LRRC53: variants seen among roughly 807,000 people sequenced by gnomAD.
LRRC53 encodes leucine rich repeat containing 53.
Under a neutral mutation model 13.6 loss-of-function variants are expected in LRRC53, and 25 were observed. The ratio of observed to expected loss-of-function variants is 1.83; its 90% CI spans 1.34 to 2.56. The LOEUF is 2.56. Among genes scored for constraint, LRRC53 ranks in the 30% most tolerant of loss-of-function variants. The pLI, the probability that LRRC53 is intolerant of heterozygous loss-of-function variation, is 0.00. For synonymous variants in LRRC53, 204 were observed against 109.8 expected, an observed-to-expected ratio of 1.86 and a Z score of -5.37; for missense variants, 527 against 275.8, an observed-to-expected ratio of 1.91 and a Z score of -6.45.
intron 2 of LRRC53, 92 bp downstream of exon 2, chr1:74,483,170 G>A (rs1287770789): frequency 1.5e-6 from 1 of 667,580 alleles, no homozygotes; most frequent in South Asian, 1.7e-5. Flanking sequence ...CTCTTAAGCT[G>A]AGCCCAGAGA....
intron 1 of LRRC53, among the ~76,000 whole-genome samples, chr1:74,495,864 C>T (rs1048049306): frequency 6.6e-6 from 1 of 152,124 alleles, no homozygotes; most frequent in Non-Finnish European, 1.5e-5. Context: ...GACTATTTCT[C>T]CCAAGCCTGC....
chr1:74,496,288 C>A (rs1023056487), intron 1 of LRRC53, among the ~76,000 whole-genome samples: 29 of 152,270 alleles, frequency 1.9e-4, no homozygotes, highest in African/African-American at 6.7e-4. Flanking sequence ...CAAAGGGGAC[C>A]ATTTTGATGA....
chr1:74,499,178 A>T lies in LRRC53; in HGVS notation c.-27+13348T>A, dbSNP rs544022247. 7.9e-5 allele frequency among the ~76,000 whole-genome samples: 12 copies of T among 152,296 alleles called. No homozygotes were observed. The South Asian group carries it at 2.5e-3, about 32-fold the overall frequency. On this transcript the variant is annotated intron_variant, in intron 1 of 4. Coordinates refer to ENST00000294635, the MANE Select transcript of LRRC53 (RefSeq NM_001382280.1). The stretch of plus-strand genomic sequence containing the variant: ...ACTCAGGGTCTTTACTTTTCCTGCA[A>T]ATGGGACCATGTCTGATTATTTATT...
chr1:74,509,760 T>C (rs1472093023), intron 1 of LRRC53, among the ~76,000 whole-genome samples: 1 of 133,576 alleles, frequency 7.5e-6, no homozygotes, highest in Non-Finnish European at 1.6e-5. Context: ...TTTTTTTTTT[T>C]TTTTTTTTTT....
chr1:74,525,635 G>A, the LRRC53 span, among the ~76,000 whole-genome samples: 1 of 152,226 alleles, frequency 6.6e-6, no homozygotes, highest in Non-Finnish European at 1.5e-5. Flanking sequence ...CTCCTAGTCT[G>A]AAGGAGTGTG....
chr1:74,501,079 T>G (rs182183098), intron 1 of LRRC53, among the ~76,000 whole-genome samples: 8 of 152,304 alleles, frequency 5.3e-5, no homozygotes, highest in East Asian at 1.9e-4. Context: ...CTTTAGTATC[T>G]CTTTCTGGAA....
chr1:74,521,232 A>G, the LRRC53 span, among the ~76,000 whole-genome samples: 2 of 152,178 alleles, frequency 1.3e-5, no homozygotes, highest in African/African-American at 2.4e-5. Flanking sequence ...ACATTGTGGC[A>G]CTGCCATTTT....
chr1:74,470,423 T>C lies in LRRC53; in HGVS notation c.3199A>G (p.Arg1067Gly), dbSNP rs1667867706. The part of the protein sequence containing the change: ...KGIDSTNALP[R>G]NDGTEALEIK... Reference sequence around the variant, plus strand: ...TCTAGTGCTTCAGTGCCGTCATTTCTGGGCAATGCATTTGTGCTGTCAATT... The same window carrying C: ...TCTAGTGCTTCAGTGCCGTCATTTCCGGGCAATGCATTTGTGCTGTCAATT... Residue 1067 changes from arginine (R) to glycine (G), a missense_variant, in exon 5 of 5, where the codon AGA (arginine) becomes GGA (glycine). Coordinates refer to ENST00000294635, the MANE Select transcript of LRRC53 (RefSeq NM_001382280.1). 3 of 400,642 alleles carry C rather than the reference T, an allele frequency of 7.5e-6. No individual in the cohort carries two copies. Among genetic ancestry groups the C allele is most frequent in the Admixed American group, 8.8e-5 (2 of 22,720 alleles). 24.8% of individuals were successfully genotyped at this position (400,642 alleles called of 1,614,324 possible). A position where few individuals can be genotyped will look rare whatever the true frequency, so the allele number is the denominator to read the frequency against.
rs1285782232 is a variant in LRRC53 at position 74,470,767 on chromosome 1, A to G, written c.2855T>C (p.Leu952Ser). 1 of 400,470 alleles carries G rather than the reference A, an allele frequency of 2.5e-6. No individual in the cohort carries two copies. Among genetic ancestry groups the G allele is most frequent in the Admixed American group, 4.4e-5 (1 of 22,706 alleles). The allele number at this position is 400,470 out of a possible 1,614,324, so 24.8% of individuals were successfully genotyped here. Reference sequence around the variant, plus strand: ...ACTTGAATTTTGCTCTCTGTGTTGTAAGGCTTCATTTTGGTCTAAAGTGTA... The same window carrying G: ...ACTTGAATTTTGCTCTCTGTGTTGTGAGGCTTCATTTTGGTCTAAAGTGTA... ...KEYTLDQNEA[L>S]QHREQNSSHA... Residue 952 changes from leucine (L) to serine (S), a missense_variant, in exon 5 of 5, where the codon TTA becomes TCA. Physicochemically the swap from Leu to Ser is moderately radical, Grantham distance 145 (BLOSUM62 -2). Coordinates refer to ENST00000294635, the MANE Select transcript of LRRC53 (RefSeq NM_001382280.1).
chr1:74,518,189 G>T, the LRRC53 span, among the ~76,000 whole-genome samples: 3 of 152,158 alleles, frequency 2.0e-5, no homozygotes, highest in Non-Finnish European at 4.4e-5. Flanking sequence ...AGTAGATGGA[G>T]AGGGTTTGCT....
In LRRC53 at chr1:74,480,131, G is replaced by A; in HGVS notation, c.904+22C>T. 5.7e-6 allele frequency: 4 copies of A among 703,072 alleles called. 1 individual carries two copies. The South Asian group carries it at 6.1e-5, about 11-fold the overall frequency. 43.6% of individuals were successfully genotyped at this position (703,072 alleles called of 1,614,324 possible). ...TGGACAAGAGAAGAGAAAAGAGGAG[G>A]GCACACTTCTCCCCGGCATACCTGC... On this transcript the variant is annotated intron_variant, in intron 3 of 4. Coordinates refer to ENST00000294635, the MANE Select transcript of LRRC53 (RefSeq NM_001382280.1).
At chr1:74,481,217 G>A (rs142513190) in intron 2 of LRRC53, among the ~76,000 whole-genome samples, 6 of 152,274 alleles carry the variant, frequency 3.9e-5, no homozygotes, top group African/African-American at 1.4e-4. Flanking sequence ...AAACCCATCT[G>A]TTACTTTAGA....
chr1:74,524,242 G>A, the LRRC53 span, among the ~76,000 whole-genome samples: 1 of 152,238 alleles, frequency 6.6e-6, no homozygotes, highest in East Asian at 1.9e-4. Context: ...TGAAGAGTCT[G>A]TTGGGAATTT....
chr1:74,523,755 A>C, the LRRC53 span, among the ~76,000 whole-genome samples: 2 of 152,296 alleles, frequency 1.3e-5, no homozygotes, highest in African/African-American at 2.4e-5. Flanking sequence ...TTGGGGAAAC[A>C]GTGCCCTGTG....
chr1:74,472,839 T>C (rs1208970090), intron 4 of LRRC53, among the ~76,000 whole-genome samples: 1 of 152,124 alleles, frequency 6.6e-6, no homozygotes, highest in African/African-American at 2.4e-5. Context: ...CAGATTAATA[T>C]AATATTTAAT....
intron 1 of LRRC53, among the ~76,000 whole-genome samples, chr1:74,494,636 C>T (rs185103754): frequency 1.0e-3 from 158 of 152,290 alleles, no homozygotes; most frequent in African/African-American, 3.6e-3. Context: ...GCACAGTCAC[C>T]TGAGGTTTGT....
At chr1:74,481,570 T>C (rs1668505391) in intron 2 of LRRC53, among the ~76,000 whole-genome samples, 1 of 152,216 alleles carries the variant, frequency 6.6e-6, no homozygotes, top group South Asian at 2.1e-4. Context: ...TACCTGTCAG[T>C]GGGGTTCTCA....
chr1:74,498,256 CCTTAT>C (rs1452065632), intron 1 of LRRC53, among the ~76,000 whole-genome samples: 7 of 152,142 alleles, frequency 4.6e-5, no homozygotes, highest in Non-Finnish European at 7.3e-5. Context: ...TTGACATCCC[CCTTAT>C]CTTGTCAAAA....
At chr1:74,487,629 T>C (rs912051745) in intron 1 of LRRC53, among the ~76,000 whole-genome samples, 16 of 151,784 alleles carry the variant, frequency 1.1e-4, no homozygotes, top group African/African-American at 2.9e-4. Flanking sequence ...AAATGAAATA[T>C]AAGGTAAAGG....
Sources: allele counts gnomAD v4.1 joint callset (sites outside exome capture counted in the v4.1 genomes callset), GRCh38; gene constraint gnomAD v4.1.1; transcripts MANE v1.5; gene names NCBI Gene and HGNC (gene_info 2026-07-23, HGNC 2026-07-21).